Variants in RBFOX1 observed in about 807,000 individuals in gnomAD.
RBFOX1 encodes the protein RNA binding fox-1 homolog 1.
Under a neutral mutation model 57.7 loss-of-function variants are expected in RBFOX1, and 8 were observed. The observed-to-expected ratio is 0.14, with a 90% confidence interval of 0.08 to 0.25. The LOEUF is 0.25. Ranked by LOEUF, RBFOX1 falls within the 10% of genes least tolerant of loss-of-function variation. RBFOX1 has a pLI of 1.00. For synonymous variants in RBFOX1, 326 were observed against 222.4 expected, an observed-to-expected ratio of 1.47 and a Z score of -4.15; for missense variants, 611 against 548.5, an observed-to-expected ratio of 1.11 and a Z score of -1.14.
chr16:5,358,223 T>C (rs1262042976), intron 1 of RBFOX1, among the ~76,000 whole-genome samples: 1 of 152,016 alleles, frequency 6.6e-6, no homozygotes, highest in Non-Finnish European at 1.5e-5. Context: ...AGCTAGGCCT[T>C]CTCCCTGTGT....
intron 2 of RBFOX1, among the ~76,000 whole-genome samples, chr16:6,480,388 G>C (rs1176385749): frequency 1.3e-5 from 2 of 152,198 alleles, no homozygotes; most frequent in Non-Finnish European, 2.9e-5. Context: ...TGCAGATGAA[G>C]GCAGTCGTAG....
chr16:5,543,009 A>G (rs917382583), intron 2 of RBFOX1, among the ~76,000 whole-genome samples: 1 of 152,316 alleles, frequency 6.6e-6, no homozygotes, highest in African/African-American at 2.4e-5. Flanking sequence ...GACATTGGGT[A>G]GAGTAATCAG....
At chr16:7,047,845 C>T (rs1313084789) in intron 3 of RBFOX1, among the ~76,000 whole-genome samples, 3 of 149,390 alleles carry the variant, frequency 2.0e-5, no homozygotes, top group Non-Finnish European at 3.0e-5. Context: ...TGTGTTTGGA[C>T]ACCTTCAGTG....
chr16:7,406,395 C>T (rs1055170412), intron 4 of RBFOX1, among the ~76,000 whole-genome samples: 2 of 152,166 alleles, frequency 1.3e-5, no homozygotes, highest in African/African-American at 4.8e-5. Context: ...TTCAGAATAC[C>T]TGGCTACTAC....
At chr16:6,873,356 A>T (rs2061285377) in intron 3 of RBFOX1, among the ~76,000 whole-genome samples, 1 of 152,140 alleles carries the variant, frequency 6.6e-6, no homozygotes, top group Admixed American at 6.5e-5. Context: ...TAGAGACATG[A>T]TTATGCTTTA....
At chr16:6,135,620 A>G (rs2096660832) in intron 1 of RBFOX1, among the ~76,000 whole-genome samples, 1 of 152,044 alleles carries the variant, frequency 6.6e-6, no homozygotes, top group Non-Finnish European at 1.5e-5. Context: ...CATTGCATTT[A>G]AGTGTAGGTA....
chr16:6,085,858 A>G (rs1309931941), intron 1 of RBFOX1, among the ~76,000 whole-genome samples: 1 of 152,156 alleles, frequency 6.6e-6, no homozygotes, highest in African/African-American at 2.4e-5. Flanking sequence ...ACATGTGCCA[A>G]ACATGCAGGT....
intron 3 of RBFOX1, among the ~76,000 whole-genome samples, chr16:5,744,701 C>G (rs934258352): frequency 3.3e-5 from 5 of 152,290 alleles, no homozygotes; most frequent in East Asian, 3.9e-4. Flanking sequence ...CTGAATCAGC[C>G]TTGGAAAATG....
intron 3 of RBFOX1, among the ~76,000 whole-genome samples, chr16:5,812,306 A>G (rs905019085): frequency 2.0e-5 from 3 of 152,346 alleles, no homozygotes; most frequent in African/African-American, 7.2e-5. Flanking sequence ...AGCTAGAAGT[A>G]GAAAGGCTGG....
chr16:7,673,823 G>A (rs1372397388), intron 13 of RBFOX1, among the ~76,000 whole-genome samples: 1 of 152,202 alleles, frequency 6.6e-6, no homozygotes, highest in Non-Finnish European at 1.5e-5. Flanking sequence ...TGTTTGTCAT[G>A]CCTCGTTCCT....
intron 4 of RBFOX1, among the ~76,000 whole-genome samples, chr16:7,494,408 C>G (rs776784407): frequency 9.2e-5 from 14 of 152,130 alleles, no homozygotes; most frequent in Non-Finnish European, 1.5e-4. Context: ...GTGTCACACT[C>G]CTTCTCTGCT....
chr16:6,860,241 C>A (rs1281243947), intron 3 of RBFOX1, among the ~76,000 whole-genome samples: 2 of 152,170 alleles, frequency 1.3e-5, no homozygotes, highest in African/African-American at 2.4e-5. Flanking sequence ...GTTCCAGACA[C>A]AATGTTAGGC....
intron 3 of RBFOX1, among the ~76,000 whole-genome samples, chr16:6,765,291 C>G (rs937886624): frequency 2.0e-5 from 3 of 152,146 alleles, no homozygotes. Context: ...CAATATATAG[C>G]TCAAGTTTAC....
At chr16:5,401,355 G>A (rs2066708687) in intron 1 of RBFOX1, among the ~76,000 whole-genome samples, 1 of 152,054 alleles carries the variant, frequency 6.6e-6, no homozygotes, top group Non-Finnish European at 1.5e-5. Flanking sequence ...GCCTCCTTTA[G>A]CGTATGATCA....
At position 6,914,665 on chromosome 16, in the gene RBFOX1, C is replaced by A. The variant is rs538409914; in HGVS notation, c.-15-137392C>A. ...GAGGCAGGAGGATTGCTTGAGGCCA[C>A]GAGTTCAAGATCAGCCTGGCCAACA... On this transcript the variant is annotated intron_variant, in intron 3 of 15. Coordinates refer to ENST00000550418, the MANE Select transcript of RBFOX1 (RefSeq NM_018723.4). Among the ~76,000 whole-genome samples, 11 of 152,230 alleles carry A rather than the reference C, an allele frequency of 7.2e-5. No homozygotes were observed. In the East Asian group the frequency reaches 2.1e-3, roughly 29 times the overall value.
chr16:6,622,587 T>G (rs905449317), intron 2 of RBFOX1, among the ~76,000 whole-genome samples: 3 of 152,242 alleles, frequency 2.0e-5, no homozygotes, highest in Admixed American at 6.5e-5. Flanking sequence ...ATCCTGACTC[T>G]TAAAGCAACA....
chr16:5,945,861 A>G (rs549993240), intron 4 of RBFOX1, among the ~76,000 whole-genome samples: 8 of 152,240 alleles, frequency 5.3e-5, no homozygotes, highest in Middle Eastern at 3.4e-3. Context: ...TACTCCATCC[A>G]TCAGTATTTC....
chr16:5,949,512 C>T lies in RBFOX1; in HGVS notation c.351+82177C>T, dbSNP rs1406909144. 1.2e-4 allele frequency among the ~76,000 whole-genome samples: 13 copies of T among 111,774 alleles called. 1 individual carries two copies. Among genetic ancestry groups the T allele is most frequent in the East Asian group, 1.0e-3 (4 of 4,010 alleles). 73.3% of individuals were successfully genotyped at this position (111,774 alleles called of 152,430 possible). The stretch of plus-strand genomic sequence containing the variant: ...GTGCACTCTAGCCTGGGTGGCAGTG[C>T]GAGAGTCCATCTCAAAAAAAAAAAA... On this transcript the variant is annotated intron_variant, in intron 4 of 19. Transcript: ENST00000641259.
At chr16:6,977,370 A>T (rs887254148) in intron 3 of RBFOX1, among the ~76,000 whole-genome samples, 3 of 152,076 alleles carry the variant, frequency 2.0e-5, no homozygotes, top group Non-Finnish European at 4.4e-5. Context: ...TGTTCTCTAG[A>T]TACCGGGATA....
Sources: gnomAD v4.1 joint callset for allele counts (sites outside exome capture counted in the v4.1 genomes callset) on GRCh38, gnomAD v4.1.1 for gene constraint, MANE v1.5 for transcripts, NCBI Gene and HGNC (gene_info 2026-07-23, HGNC 2026-07-21) for gene names.